Variants in VAV3 observed in about 807,000 individuals in gnomAD.
The protein encoded by VAV3 is vav guanine nucleotide exchange factor 3.
A neutral mutation model predicts 131.2 loss-of-function variants in VAV3; 94 were observed. The observed-to-expected ratio is 0.72, with a 90% CI of 0.61 to 0.85. The LOEUF (loss-of-function observed/expected upper bound fraction) is 0.85, where lower values mean the gene tolerates loss of function less well. VAV3 is among the 40% of genes least tolerant of loss of function. VAV3 has a pLI of 0.00. For synonymous variants in VAV3, 349 were observed against 342.0 expected (o/e 1.02, Z -0.22); for missense variants, 939 against 1,002.7 (o/e 0.94, Z 0.86).
In VAV3 at chr1:107,878,207, C is replaced by T. The variant is rs147450760; in HGVS notation, c.205-3190G>A. Among the ~76,000 whole-genome samples the T allele has an allele frequency of 4.1e-3, 627 of 152,200 alleles. 5 individuals carry two copies. The highest frequency in any genetic ancestry group is 0.014 in the African/African-American group (589 of 41,526). On this transcript the variant is annotated intron_variant, in intron 1 of 26. Transcript: ENST00000370056. ...AAAATGAATTACAGATAACACTTGA[C>T]TCCTAAATACTCTGACTCTACCTGC...
chr1:107,605,723 A>G (rs143186469), intron 22 of VAV3, among the ~76,000 whole-genome samples: 1 of 152,302 alleles, frequency 6.6e-6, no homozygotes, highest in African/African-American at 2.4e-5. Context: ...ATTACATAAA[A>G]TTACCTTCAG....
intron 21 of VAV3, 105 bp from the exon 22 acceptor site, chr1:107,610,070 G>T (rs1389810121): frequency 3.0e-6 from 3 of 1,000,690 alleles, no homozygotes; most frequent in African/African-American, 3.2e-5. Flanking sequence ...AACCCTAAGT[G>T]GCACAGTCCT....
chr1:107,888,487 T>C (rs1227851235), intron 1 of VAV3, among the ~76,000 whole-genome samples: 2 of 152,154 alleles, frequency 1.3e-5, no homozygotes, highest in Non-Finnish European at 2.9e-5. Context: ...AGATGGACTT[T>C]CTCTCTTGCT....
intron 20 of VAV3, among the ~76,000 whole-genome samples, chr1:107,634,537 A>T (rs1431926512): frequency 1.3e-5 from 2 of 152,188 alleles, no homozygotes; most frequent in Non-Finnish European, 2.9e-5. Context: ...AAACCTAGGC[A>T]ATACCATTCA....
At chr1:107,804,671 T>C (rs988294010) in intron 2 of VAV3, among the ~76,000 whole-genome samples, 4 of 152,224 alleles carry the variant, frequency 2.6e-5, no homozygotes, top group Admixed American at 2.6e-4. Flanking sequence ...TATGAGTGTA[T>C]TGTACATCAT....
rs138981948 is a variant in VAV3 at position 107,688,396 on chromosome 1, T to C, written c.1716A>G (p.Thr572=). 2 of 1,613,216 alleles carry C rather than the reference T, an allele frequency of 1.2e-6. No individual in the cohort carries two copies. Among genetic ancestry groups the C allele is most frequent in the Admixed American group, 1.7e-5 (1 of 59,874 alleles). Residue 572 remains threonine (T), a synonymous_variant, in exon 18 of 27, where the codon ACA becomes ACG. Coordinates refer to ENST00000370056, the MANE Select transcript of VAV3 (RefSeq NM_006113.5). ...CGRVNSGEQG[T]LKLPEKRTNG... ...TTAATCTTACCTCTGGTAGTTTGAG[T>C]GTCCCTTGTTCTGAAAGAAATGTAA...
chr1:107,811,339 A>T (rs17020108), intron 2 of VAV3, among the ~76,000 whole-genome samples: 22,955 of 152,100 alleles, frequency 0.15, 2,001 homozygotes, highest in East Asian at 0.29. Context: ...GCACAGGGTA[A>T]GATACTGGGC....
At chr1:107,595,927 A>C (rs922908992) in intron 25 of VAV3, among the ~76,000 whole-genome samples, 25 of 152,314 alleles carry the variant, frequency 1.6e-4, no homozygotes, top group African/African-American at 5.5e-4. Flanking sequence ...AGTTAATATA[A>C]AAGTCAATGA....
intron 2 of VAV3, among the ~76,000 whole-genome samples, chr1:107,848,979 C>A (rs1288185096): frequency 6.6e-6 from 1 of 152,054 alleles, no homozygotes; most frequent in Non-Finnish European, 1.5e-5. Flanking sequence ...ACAATTGCTA[C>A]AAAGAGAATA....
At chr1:107,746,756 A>G (rs1663371283) in intron 15 of VAV3, among the ~76,000 whole-genome samples, 1 of 152,178 alleles carries the variant, frequency 6.6e-6, no homozygotes, top group African/African-American at 2.4e-5. Flanking sequence ...TAAAAGTGGG[A>G]TTACTTTCTG....
At chr1:107,665,959 A>T (rs1657379728) in intron 19 of VAV3, among the ~76,000 whole-genome samples, 1 of 152,228 alleles carries the variant, frequency 6.6e-6, no homozygotes, top group African/African-American at 2.4e-5. Flanking sequence ...AATTGTGAGG[A>T]AAAAGGAAAC....
Position 107,577,827 on chromosome 1 carries a change from T to C in VAV3, c.2351-3629A>G, listed in dbSNP as rs148146742. Reference sequence around the variant, plus strand: ...AGGATTTTTTGGGAAAGAGAAATAATTATCTTCTTGAAGCCTATTTAAGGT... The same window carrying C: ...AGGATTTTTTGGGAAAGAGAAATAACTATCTTCTTGAAGCCTATTTAAGGT... On this transcript the variant is annotated intron_variant, in intron 25 of 26. Coordinates refer to ENST00000370056, the MANE Select transcript of VAV3 (RefSeq NM_006113.5). Among the ~76,000 whole-genome samples, 128 of 152,284 alleles carry C rather than the reference T, an allele frequency of 8.4e-4. 1 individual carries two copies. The East Asian group carries it at 0.023, about 28-fold the overall frequency.
At chr1:107,927,745 G>A (rs1471880168) in intron 1 of VAV3, among the ~76,000 whole-genome samples, 1 of 151,104 alleles carries the variant, frequency 6.6e-6, no homozygotes, top group Admixed American at 6.6e-5. Flanking sequence ...TGGTTTGTAT[G>A]CCAGCTCAGC....
chr1:107,688,294 T>G (rs1392783764), intron 18 of VAV3, 87 bp downstream of exon 18: 1 of 1,444,896 alleles, frequency 6.9e-7, no homozygotes, highest in Non-Finnish European at 9.4e-7. Context: ...AAGGCACATT[T>G]AACAGTGTAA....
intron 16 of VAV3, 73 bp downstream of exon 16, chr1:107,704,887 G>A: frequency 1.4e-6 from 2 of 1,442,996 alleles, no homozygotes; most frequent in Non-Finnish European, 1.9e-6. Context: ...TGGCTAGAAG[G>A]TTAGAAAAGT....
At chr1:107,948,451 A>G (rs937030526) in intron 1 of VAV3, among the ~76,000 whole-genome samples, 1 of 152,258 alleles carries the variant, frequency 6.6e-6, no homozygotes, top group Admixed American at 6.5e-5. Flanking sequence ...CATTGTATAC[A>G]TATCAGAGGA....
At chr1:107,722,920 T>C (rs922044634) in intron 15 of VAV3, among the ~76,000 whole-genome samples, 49 of 148,960 alleles carry the variant, frequency 3.3e-4, no homozygotes, top group Non-Finnish European at 1.2e-4. Flanking sequence ...AGAATTCCTG[T>C]TCATTCTTGA....
At position 107,939,757 on chromosome 1, in the gene VAV3, G is replaced by T. The variant is rs114537793; in HGVS notation, c.204+24909C>A. 6.9e-3 allele frequency among the ~76,000 whole-genome samples: 1,052 copies of T among 152,196 alleles called. 9 individuals carry two copies. The highest frequency in any genetic ancestry group is 0.023 in the African/African-American group (973 of 41,514). ...AGGATTTAGTTGGTGAAGTGATCCT[G>T]AGGAGCAGATTAAAAATGGGGAAGG... On this transcript the variant is annotated intron_variant, in intron 1 of 26. Transcript: ENST00000370056.
At chr1:107,943,541 G>A (rs1238478033) in intron 1 of VAV3, among the ~76,000 whole-genome samples, 1 of 152,120 alleles carries the variant, frequency 6.6e-6, no homozygotes, top group Non-Finnish European at 1.5e-5. Context: ...TCAAGAGATC[G>A]AGACCATCTG....
Sources: allele counts gnomAD v4.1 joint callset (sites outside exome capture counted in the v4.1 genomes callset), GRCh38; gene constraint gnomAD v4.1.1; transcripts MANE v1.5; gene names NCBI Gene and HGNC (gene_info 2026-07-23, HGNC 2026-07-21).